Variants in CLEC12B observed in about 807,000 individuals in gnomAD.
The protein encoded by CLEC12B is macrophage antigen h.
Under a neutral mutation model 36.1 loss-of-function variants are expected in CLEC12B, and 25 were observed. The observed-to-expected ratio is 0.69, with a 90% CI of 0.50 to 0.97. CLEC12B has a LOEUF of 0.97. Among genes scored for constraint, CLEC12B ranks in the 50% least tolerant of loss-of-function variants. The pLI is 0.00. For synonymous variants in CLEC12B, 110 were observed against 108.5 expected (o/e 1.01, Z -0.09); for missense variants, 325 against 318.4 (o/e 1.02, Z -0.16).
intron 5 of CLEC12B, chr12:10,017,745 C>A: frequency 2.3e-6 from 2 of 869,648 alleles, no homozygotes; most frequent in African/African-American, 1.8e-5. Context: ...TTAGATCTGA[C>A]AAGTATAATT....
At position 10,012,769 on chromosome 12, in the gene CLEC12B, T is replaced by C. The variant is rs1834925557; in HGVS notation, c.92-16T>C. ...AAGCAGTTCTGTGTGCTGATTGCTC[T>C]TTTGGCTTTCTCCAGGGCATCCAGC... is the stretch of plus-strand genomic sequence containing the variant. On this transcript the variant is annotated splice_polypyrimidine_tract_variant and intron_variant, in intron 1 of 5. Transcript: ENST00000338896. 6.2e-7 allele frequency: 1 copy of C among 1,607,252 alleles called. No individual in the cohort carries two copies. Among genetic ancestry groups the C allele is most frequent in the South Asian group, 1.1e-5 (1 of 90,870 alleles).
At chr12:10,015,500 G>C in intron 4 of CLEC12B, 94 bp downstream of exon 4, 1 of 1,552,522 alleles carries the variant, frequency 6.4e-7, no homozygotes, top group Non-Finnish European at 8.8e-7. Context: ...GAAATTCAGT[G>C]CATCTTGAAT....
At chr12:10,017,778 T>C in intron 5 of CLEC12B, 2 of 872,706 alleles carry the variant, frequency 2.3e-6, no homozygotes, top group Non-Finnish European at 2.8e-6. Flanking sequence ...TATTTCAGGA[T>C]TAACATCAAT....
chr12:10,012,683 C>T (rs533376724), intron 1 of CLEC12B, 102 bp from the exon 2 acceptor site: 8 of 790,678 alleles, frequency 1.0e-5, no homozygotes, highest in African/African-American at 1.8e-5. Context: ...AAGAAAGAAA[C>T]GTTAGTATCG....
rs567079204 is a variant in CLEC12B at position 10,010,663 on chromosome 12, A to G, written c.-97A>G. The G allele has an allele frequency of 4.3e-6, 3 of 701,968 alleles. No homozygotes were observed. The highest frequency in any genetic ancestry group is 2.8e-5 in the East Asian group (1 of 35,854). 43.5% of individuals were successfully genotyped at this position (701,968 alleles called of 1,614,324 possible). A position where few individuals can be genotyped will look rare whatever the true frequency, so the allele number is the denominator to read the frequency against. On this transcript the variant is annotated 5_prime_UTR_variant, in exon 1 of 6. Coordinates refer to ENST00000338896, the MANE Select transcript of CLEC12B (RefSeq NM_001129998.3). The stretch of plus-strand genomic sequence containing the variant: ...GTGTGTCTGGGTCAGCTGAGTGACT[A>G]CATCAAAGCTCCCAGCCTTGAAAAA...
chr12:10,018,254 T>A, intron 5 of CLEC12B, 77 bp from the exon 6 acceptor site: 1 of 882,736 alleles, frequency 1.1e-6, no homozygotes, highest in South Asian at 2.1e-5. Flanking sequence ...ACATTGGCTG[T>A]AAGAGCAACT....
At chr12:10,010,142 A>T (rs1018439097), upstream of CLEC12B, among the ~76,000 whole-genome samples, 2 of 151,234 alleles carry the variant, frequency 1.3e-5, no homozygotes, top group Admixed American at 1.3e-4. Flanking sequence ...ATGCTCCATT[A>T]CCAACACCAT....
chr12:10,009,663 T>G (rs1865278318), upstream of CLEC12B, among the ~76,000 whole-genome samples: 1 of 152,184 alleles, frequency 6.6e-6, no homozygotes, highest in South Asian at 2.1e-4. Context: ...ACATTGCCTT[T>G]CTGCATCTGC....
rs199798254 is a variant in CLEC12B at position 10,018,440 on chromosome 12, G to C, written c.790G>C (p.Glu264Gln). 1.3e-6 allele frequency: 2 copies of C among 1,550,762 alleles called. No individual in the cohort carries two copies. Among genetic ancestry groups the C allele is most frequent in the Non-Finnish European group, 1.7e-6 (2 of 1,146,594 alleles). Reference protein sequence around the residue: ...RCSAEIFWICEKTAAPVKTED... With the variant: ...RCSAEIFWICQKTAAPVKTED... ...TAGTGCTGAAATTTTTTGGATTTGC[G>C]AGAAGACAGCTGCCCCAGTGAAGAC... is the stretch of plus-strand genomic sequence containing the variant. The change falls in exon 6 of 6, where the codon GAG (glutamate) becomes CAG (glutamine). Residue 264 changes from glutamate to glutamine, a missense_variant. By Grantham distance (29) the Glu-to-Gln change is conservative (BLOSUM62 2). Transcript: ENST00000338896.
chr12:10,016,678 A>G (rs1865494027), intron 5 of CLEC12B: 1 of 212,588 alleles, frequency 4.7e-6, no homozygotes, highest in Non-Finnish European at 8.1e-6. Flanking sequence ...TTTGGGGTAT[A>G]TGTGATAATT....
At chr12:10,015,554 A>G (rs1865462884) in intron 4 of CLEC12B, 58 bp from the exon 5 acceptor site, 1 of 1,608,038 alleles carries the variant, frequency 6.2e-7, no homozygotes, top group South Asian at 1.1e-5. Flanking sequence ...ATCTATCTTA[A>G]CTCTGCAAAC....
At chr12:10,007,847 G>A (rs147562945), upstream of CLEC12B, among the ~76,000 whole-genome samples, 604 of 152,266 alleles carry the variant, frequency 4.0e-3, 11 homozygotes, top group East Asian at 0.054. Context: ...GTAAGAAAAC[G>A]ATTTTTATAA....
rs1325344006 is a variant in CLEC12B at position 10,013,332 on chromosome 12, C to T, written c.190+449C>T. The T allele has an allele frequency of 7.6e-5, 14 of 184,108 alleles. 1 individual carries two copies. The highest frequency in any genetic ancestry group is 5.6e-5 in the Non-Finnish European group (5 of 89,994). The allele number at this position is 184,108 out of a possible 1,614,324, so 11.4% of individuals were successfully genotyped here. ...TGGAGAGAAATCTTCCAAGTAGCAG[C>T]AGCAGCCTGATTTCTATGAATGAGA... On this transcript the variant is annotated intron_variant, in intron 2 of 5. Transcript: ENST00000338896.
In CLEC12B at chr12:10,010,661, C is replaced by T. The variant is rs895848641; in HGVS notation, c.-99C>T. ...GAGTGTGTCTGGGTCAGCTGAGTGA[C>T]TACATCAAAGCTCCCAGCCTTGAAA... On this transcript the variant is annotated 5_prime_UTR_variant, in exon 1 of 6. Coordinates refer to ENST00000338896, the MANE Select transcript of CLEC12B (RefSeq NM_001129998.3). 4.3e-6 allele frequency: 3 copies of T among 694,342 alleles called. No individual in the cohort carries two copies. Among genetic ancestry groups the T allele is most frequent in the East Asian group, 2.8e-5 (1 of 35,742 alleles). The allele number at this position is 694,342 out of a possible 1,614,324, so 43.0% of individuals were successfully genotyped here.
Position 10,018,543 on chromosome 12 carries a change from A to G in CLEC12B, c.*62A>G, listed in dbSNP as rs1310500782. 7 of 1,400,882 alleles carry G rather than the reference A, an allele frequency of 5.0e-6. No homozygotes were observed. The South Asian group carries it at 8.1e-5, about 16-fold the overall frequency. The allele number at this position is 1,400,882 out of a possible 1,614,324, so 86.8% of individuals were successfully genotyped here. ...TGTGAGTAAGCTCATATGAGGAAAG[A>G]GGAAACTACGGTACCAGAGCCAAAC... On this transcript the variant is annotated 3_prime_UTR_variant, in exon 6 of 6. Coordinates refer to ENST00000338896, the MANE Select transcript of CLEC12B (RefSeq NM_001129998.3).
chr12:10,007,010 G>A (rs1375869857), upstream of CLEC12B, among the ~76,000 whole-genome samples: 1 of 151,710 alleles, frequency 6.6e-6, no homozygotes, highest in Admixed American at 6.6e-5. Context: ...AGCCGAGATC[G>A]CGCCACTGCA....
intron 1 of CLEC12B, among the ~76,000 whole-genome samples, chr12:10,012,109 C>T (rs547405461): frequency 6.6e-6 from 1 of 152,278 alleles, no homozygotes; most frequent in African/African-American, 2.4e-5. Flanking sequence ...TTCTTTCCTT[C>T]TTTCATTCAG....
chr12:10,006,227 G>T (rs1471436257), upstream of CLEC12B, among the ~76,000 whole-genome samples: 1 of 152,148 alleles, frequency 6.6e-6, no homozygotes, highest in Non-Finnish European at 1.5e-5. Context: ...ATTGGGAAAA[G>T]GTACCCATTT....
chr12:10,008,961 A>T (rs1209520792), upstream of CLEC12B, among the ~76,000 whole-genome samples: 1 of 152,204 alleles, frequency 6.6e-6, no homozygotes, highest in Non-Finnish European at 1.5e-5. Context: ...GTCTTACAAG[A>T]GGATTGTAAA....
Sources: gnomAD v4.1 joint callset for allele counts (sites outside exome capture counted in the v4.1 genomes callset) on GRCh38, gnomAD v4.1.1 for gene constraint, MANE v1.5 for transcripts, NCBI Gene and HGNC (gene_info 2026-07-23, HGNC 2026-07-21) for gene names.